CDH12: variants seen among roughly 807,000 people sequenced by gnomAD.
CDH12 encodes cadherin-12.
Under a neutral mutation model 74.1 loss-of-function variants are expected in CDH12, and 41 were observed. The observed-to-expected ratio is 0.55, with a 90% CI of 0.43 to 0.72. CDH12 has a LOEUF of 0.72. Ranked by LOEUF, CDH12 falls within the 30% of genes least tolerant of loss-of-function variation. The pLI, the probability that CDH12 is intolerant of heterozygous loss-of-function variation, is 0.00. For synonymous variants in CDH12, 399 were observed against 355.0 expected (o/e 1.12, Z -1.39); for missense variants, 945 against 977.2 (o/e 0.97, Z 0.44).
chr5:21,809,445 C>A (rs1399883862), intron 9 of CDH12, among the ~76,000 whole-genome samples: 1 of 151,904 alleles, frequency 6.6e-6, no homozygotes, highest in African/African-American at 2.4e-5. Flanking sequence ...ATTGGGGAGG[C>A]CAATTATCTT....
chr5:22,674,508 T>A (rs935899889), intron 1 of CDH12, among the ~76,000 whole-genome samples: 8 of 152,092 alleles, frequency 5.3e-5, no homozygotes, highest in Non-Finnish European at 7.4e-5. Context: ...TAGACTAATA[T>A]AGTATACTGG....
At chr5:22,325,032 A>G (rs1739028380) in intron 3 of CDH12, among the ~76,000 whole-genome samples, 1 of 152,202 alleles carries the variant, frequency 6.6e-6, no homozygotes, top group East Asian at 1.9e-4. Flanking sequence ...CCTGTAGGTA[A>G]TAATTCAATA....
intron 1 of CDH12, among the ~76,000 whole-genome samples, chr5:22,722,927 G>A (rs1050218468): frequency 2.0e-5 from 3 of 152,094 alleles, no homozygotes; most frequent in African/African-American, 7.2e-5. Context: ...TTGCATCATT[G>A]AGGCACAGAA....
At position 22,649,587 on chromosome 5, in the gene CDH12, G is replaced by A. The variant is rs147995997; in HGVS notation, c.-522-144223C>T. Among the ~76,000 whole-genome samples the A allele has an allele frequency of 3.6e-3, 552 of 152,100 alleles. 1 individual carries two copies. Among genetic ancestry groups the A allele is most frequent in the African/African-American group, 0.01 (426 of 41,538 alleles). ...TTTCAAAGATAAGAAATGCTATACC[G>A]CATTAGGTAATTTGACATTTGGTGG... is the stretch of plus-strand genomic sequence containing the variant. On this transcript the variant is annotated intron_variant, in intron 1 of 14. Transcript: ENST00000382254.
At chr5:22,819,594 A>T (rs1749564914) in intron 1 of CDH12, among the ~76,000 whole-genome samples, 1 of 152,014 alleles carries the variant, frequency 6.6e-6, no homozygotes, top group South Asian at 2.1e-4. Flanking sequence ...ATGTTGAAAG[A>T]TATACAAGAT....
At chr5:22,781,747 AG>A (rs770542262) in intron 1 of CDH12, among the ~76,000 whole-genome samples, 23 of 152,076 alleles carry the variant, frequency 1.5e-4, no homozygotes, top group Non-Finnish European at 3.1e-4. Flanking sequence ...TGGTGAGGGG[AG>A]GGATCCAAGC....
At chr5:22,367,852 A>T (rs1741098398) in intron 3 of CDH12, among the ~76,000 whole-genome samples, 2 of 152,308 alleles carry the variant, frequency 1.3e-5, no homozygotes, top group African/African-American at 4.8e-5. Context: ...TGTGCCTACC[A>T]TTGCATTCGT....
intron 3 of CDH12, among the ~76,000 whole-genome samples, chr5:22,257,959 T>G (rs1412726796): frequency 6.6e-6 from 1 of 152,112 alleles, no homozygotes; most frequent in Non-Finnish European, 1.5e-5. Flanking sequence ...TAAAACACTT[T>G]ATAAAGTAAA....
intron 4 of CDH12, among the ~76,000 whole-genome samples, chr5:22,159,916 C>A (rs762622205): frequency 1.6e-4 from 24 of 151,948 alleles, no homozygotes; most frequent in Non-Finnish European, 2.9e-4. Context: ...TGTCTGTGTG[C>A]GTGTGTGCGT....
chr5:22,231,834 A>G (rs1442981435), intron 3 of CDH12, among the ~76,000 whole-genome samples: 1 of 152,022 alleles, frequency 6.6e-6, no homozygotes, highest in Non-Finnish European at 1.5e-5. Flanking sequence ...TGAATTATCT[A>G]TATAAAAATC....
chr5:21,751,621 T>C lies in CDH12; in HGVS notation c.*116A>G, dbSNP rs1230991104. 2 of 713,044 alleles carry C rather than the reference T, an allele frequency of 2.8e-6. No homozygotes were observed. The highest frequency in any genetic ancestry group is 4.7e-6 in the Non-Finnish European group (2 of 425,830). 44.2% of individuals were successfully genotyped at this position (713,044 alleles called of 1,614,324 possible). A position where few individuals can be genotyped will look rare whatever the true frequency, so the allele number is the denominator to read the frequency against. ...AATCTTGTCCCAGAGTGTGTGTGTG[T>C]GTGTGTGTGTTTGTGTGTGTGTGTG... On this transcript the variant is annotated 3_prime_UTR_variant, in exon 15 of 15. Coordinates refer to ENST00000382254, the MANE Select transcript of CDH12 (RefSeq NM_004061.5).
chr5:21,990,394 C>G (rs921366784), intron 5 of CDH12, among the ~76,000 whole-genome samples: 5 of 152,120 alleles, frequency 3.3e-5, no homozygotes, highest in Admixed American at 6.5e-5. Context: ...AAACCCATCA[C>G]TTATTACATT....
intron 1 of CDH12, among the ~76,000 whole-genome samples, chr5:22,612,772 G>A (rs1737476802): frequency 6.6e-6 from 1 of 152,022 alleles, no homozygotes; most frequent in African/African-American, 2.4e-5. Flanking sequence ...GCTTATGTGT[G>A]AGATTTTTCA....
At chr5:21,873,235 T>G (rs1751741382) in intron 6 of CDH12, among the ~76,000 whole-genome samples, 3 of 152,200 alleles carry the variant, frequency 2.0e-5, no homozygotes. Flanking sequence ...TCCATGTACA[T>G]TAGATGTTGA....
At chr5:22,709,982 G>A (rs1188855008) in intron 1 of CDH12, among the ~76,000 whole-genome samples, 1 of 152,200 alleles carries the variant, frequency 6.6e-6, no homozygotes, top group South Asian at 2.1e-4. Context: ...AGACCATGAA[G>A]ATATGAGTCA....
intron 1 of CDH12, among the ~76,000 whole-genome samples, chr5:22,547,137 T>A (rs1026025719): frequency 1.3e-5 from 2 of 152,214 alleles, no homozygotes; most frequent in African/African-American, 4.8e-5. Flanking sequence ...AAAACTGTTG[T>A]AATTAAAAAT....
chr5:22,404,005 T>G (rs565762783), intron 3 of CDH12, among the ~76,000 whole-genome samples: 1 of 152,110 alleles, frequency 6.6e-6, no homozygotes. Context: ...ATGTGTTAAG[T>G]TCTAGTTGGG....
chr5:22,279,743 A>G (rs1384917187), intron 3 of CDH12, among the ~76,000 whole-genome samples: 1 of 152,126 alleles, frequency 6.6e-6, no homozygotes, highest in Non-Finnish European at 1.5e-5. Context: ...TCCATGGTGT[A>G]TATGTGTCAC....
chr5:22,261,273 A>G (rs893754636), intron 3 of CDH12, among the ~76,000 whole-genome samples: 2 of 152,014 alleles, frequency 1.3e-5, no homozygotes, highest in African/African-American at 4.8e-5. Flanking sequence ...AAAAATAAAT[A>G]TAGCAAAGAT....
Sources: gnomAD v4.1 joint callset for allele counts (sites outside exome capture counted in the v4.1 genomes callset) on GRCh38, gnomAD v4.1.1 for gene constraint, MANE v1.5 for transcripts, NCBI Gene and HGNC (gene_info 2026-07-23, HGNC 2026-07-21) for gene names.